Variants in SOBP observed in about 807,000 individuals in gnomAD.
SOBP encodes sine oculis-binding protein homolog.
Under a neutral mutation model 53.6 loss-of-function variants are expected in SOBP, and 4 were observed. The ratio of observed to expected loss-of-function variants is 0.07; its 90% CI spans 0.04 to 0.17. The LOEUF is 0.17. Ranked by LOEUF, SOBP falls within the 10% of genes least tolerant of loss-of-function variation. SOBP has a pLI of 1.00. For missense variants in SOBP, 1,088 were observed against 1,204.7 expected (o/e 0.90, Z 1.43); for synonymous variants, 584 against 522.6 (o/e 1.12, Z -1.60).
intron 3 of SOBP, among the ~76,000 whole-genome samples, chr6:107,522,412 G>C (rs989529619): frequency 6.6e-6 from 1 of 152,114 alleles, no homozygotes; most frequent in East Asian, 1.9e-4. Context: ...AGAGGTATTG[G>C]TGGCTTCACT....
At chr6:107,615,803 A>C (rs1786762453) in intron 5 of SOBP, among the ~76,000 whole-genome samples, 1 of 151,940 alleles carries the variant, frequency 6.6e-6, no homozygotes, top group Non-Finnish European at 1.5e-5. Flanking sequence ...CTGGGTTAAA[A>C]GAAGATGACT....
rs542344176 is a variant in SOBP, at chr6:107,563,709, C to T, written c.574-23371C>T. The stretch of plus-strand genomic sequence containing the variant: ...AAAAAACTTACAATAGACAAAATGG[C>T]GTCTTTCAGTGATTCTCCAGTATGT... On this transcript the variant is annotated intron_variant, in intron 4 of 6. Transcript: ENST00000317357. Among the ~76,000 whole-genome samples, 20 of 151,904 alleles carry T rather than the reference C, an allele frequency of 1.3e-4. 1 individual carries two copies. In the South Asian group the frequency reaches 1.9e-3, roughly 14 times the overall value.
At chr6:107,525,930 A>G (rs1308605044) in intron 3 of SOBP, among the ~76,000 whole-genome samples, 1 of 150,786 alleles carries the variant, frequency 6.6e-6, no homozygotes, top group East Asian at 1.9e-4. Context: ...TTCTTAACAC[A>G]TCTTTGATCC....
At chr6:107,514,918 G>A (rs1005168687) in intron 3 of SOBP, 1 of 152,214 alleles carries the variant, frequency 6.6e-6, no homozygotes, top group Non-Finnish European at 1.5e-5. Context: ...GAAGTCTGAT[G>A]AAAGATTTAT....
chr6:107,605,948 T>C (rs1444866832), intron 5 of SOBP, among the ~76,000 whole-genome samples: 1 of 152,092 alleles, frequency 6.6e-6, no homozygotes, highest in Non-Finnish European at 1.5e-5. Flanking sequence ...TTTTAGCCTC[T>C]AAATTTAGGA....
At chr6:107,569,470 G>T (rs929956230) in intron 4 of SOBP, among the ~76,000 whole-genome samples, 1 of 152,142 alleles carries the variant, frequency 6.6e-6, no homozygotes, top group African/African-American at 2.4e-5. Flanking sequence ...TGAAATAAAG[G>T]CTGGCTGAGA....
chr6:107,507,525 C>T (rs1423557506), intron 3 of SOBP, among the ~76,000 whole-genome samples: 2 of 152,044 alleles, frequency 1.3e-5, no homozygotes. Flanking sequence ...AGGCTGGTCT[C>T]GAACTCCTGA....
intron 6 of SOBP, among the ~76,000 whole-genome samples, chr6:107,653,044 A>G (rs1262914198): frequency 1.3e-5 from 2 of 152,222 alleles, no homozygotes; most frequent in Non-Finnish European, 1.5e-5. Context: ...AGTGGTCTAG[A>G]ACCAAACCTC....
chr6:107,537,994 C>T (rs1784050627), intron 4 of SOBP, among the ~76,000 whole-genome samples: 1 of 152,022 alleles, frequency 6.6e-6, no homozygotes, highest in Non-Finnish European at 1.5e-5. Context: ...ATTAAGATTT[C>T]CTAACAATCA....
intron 4 of SOBP, among the ~76,000 whole-genome samples, chr6:107,574,432 TAGGAGCCTG>T (rs1785165767): frequency 6.6e-6 from 1 of 152,170 alleles, no homozygotes; most frequent in South Asian, 2.1e-4. Context: ...TCAATTTGTC[TAGGAGCCTG>T]AGAAAAGATT....
Position 107,602,328 on chromosome 6 carries a change from C to T in SOBP, c.669+15153C>T, listed in dbSNP as rs77401451. On this transcript the variant is annotated intron_variant, in intron 5 of 6. Coordinates refer to ENST00000317357, the MANE Select transcript of SOBP (RefSeq NM_018013.4). ...TTCAGAGGAGCAGGGGTTGTCTATC[C>T]GAGCAGTGTCTCCTGAATCATACTG... Among the ~76,000 whole-genome samples, 962 of 152,164 alleles carry T rather than the reference C, an allele frequency of 6.3e-3. 8 individuals are homozygous for T. The highest frequency in any genetic ancestry group is 0.025 in the East Asian group (128 of 5,194).
At chr6:107,532,228 G>GTC (rs771163945) in intron 3 of SOBP, among the ~76,000 whole-genome samples, 2,839 of 133,220 alleles carry the variant, frequency 0.021, 80 homozygotes, top group African/African-American at 0.075. Context: ...GTGGCAATCA[G>GTC]TCTCTCTCTC....
In SOBP at chr6:107,635,548, G is replaced by T; in HGVS notation, c.*3+79G>T. 1.3e-6 allele frequency: 2 copies of T among 1,569,292 alleles called. No homozygotes were observed. The highest frequency in any genetic ancestry group is 1.7e-6 in the Non-Finnish European group (2 of 1,148,976). On this transcript the variant is annotated intron_variant, in intron 6 of 6. Coordinates refer to ENST00000317357, the MANE Select transcript of SOBP (RefSeq NM_018013.4). This position sits in a 1 kb window ranked among gnomAD's most constrained non-coding sequence, Gnocchi z 4.5. Reference sequence around the variant, plus strand: ...TTCTGACAAGGCAGAGGGGAGAGTTGTAATTATAGTCATGATTTTACCGTG... The same window carrying T: ...TTCTGACAAGGCAGAGGGGAGAGTTTTAATTATAGTCATGATTTTACCGTG...
intron 5 of SOBP, chr6:107,621,006 T>C (rs1267497145): frequency 1.6e-5 from 3 of 187,692 alleles, no homozygotes; most frequent in Admixed American, 1.3e-4. Context: ...TCTACCCAAA[T>C]ACTGACAACT....
At chr6:107,655,968 G>C (rs1701858863) in intron 6 of SOBP, among the ~76,000 whole-genome samples, 1 of 152,208 alleles carries the variant, frequency 6.6e-6, no homozygotes, top group Non-Finnish European at 1.5e-5. Context: ...GTGTTTCCCA[G>C]TTTACTGGAG....
At chr6:107,617,309 A>G (rs1467534658) in intron 5 of SOBP, among the ~76,000 whole-genome samples, 2 of 152,148 alleles carry the variant, frequency 1.3e-5, no homozygotes, top group Non-Finnish European at 2.9e-5. Context: ...AACTCTCGAG[A>G]TAAGATTAAT....
rs150737352 is a variant in SOBP, at chr6:107,497,604, A to G, written c.97-6053A>G. Among the ~76,000 whole-genome samples the G allele has an allele frequency of 3.3e-3, 509 of 152,270 alleles. 1 individual carries two copies. Among genetic ancestry groups the G allele is most frequent in the Non-Finnish European group, 5.5e-3 (377 of 67,998 alleles). On this transcript the variant is annotated intron_variant, in intron 1 of 6. Transcript: ENST00000317357. Reference sequence around the variant, plus strand: ...CATGCCCTTTCTCTATATATGATATATAGTTTTTATAAAAAAAAGTCTCAT... The same window carrying G: ...CATGCCCTTTCTCTATATATGATATGTAGTTTTTATAAAAAAAAGTCTCAT...
chr6:107,633,692 T>G lies in SOBP; in HGVS notation c.848T>G (p.Met283Arg). 1 of 1,614,210 alleles carries G rather than the reference T, an allele frequency of 6.2e-7. No individual in the cohort carries two copies. Among genetic ancestry groups the G allele is most frequent in the Non-Finnish European group, 8.5e-7 (1 of 1,180,038 alleles). ...CTGTGCAGCACATTACACCCTCCCA[T>G]GGAAAATAAAGCAGAAGGCACCGGG... ...AGLCSTLHPP[M>R]ENKAEGTGVQ... Residue 283 changes from methionine to arginine, a missense_variant, in exon 6 of 7, where the codon ATG (methionine) becomes AGG (arginine). This residue lies in a region of SOBP where 211 missense variants were observed against 258.9 expected (regional missense o/e 0.82). Coordinates refer to ENST00000317357, the MANE Select transcript of SOBP (RefSeq NM_018013.4).
chr6:107,493,348 C>T (rs1183606529), intron 1 of SOBP, among the ~76,000 whole-genome samples: 2 of 152,096 alleles, frequency 1.3e-5, no homozygotes, highest in African/African-American at 2.4e-5. Flanking sequence ...ATACAGCTAG[C>T]GTGGCCTAAG....
Sources: gnomAD v4.1 joint callset for allele counts (sites outside exome capture counted in the v4.1 genomes callset) on GRCh38, gnomAD v4.1.1 for gene constraint, gnomAD v4.1.1 regional missense constraint, Gnocchi (gnomAD v3.1) non-coding constraint, MANE v1.5 for transcripts, NCBI Gene and HGNC (gene_info 2026-07-23, HGNC 2026-07-21) for gene names.